The following FGF13 variants were observed in gnomAD, a reference collection of about 807,000 sequenced individuals.
FGF13 encodes the protein fibroblast growth factor 13, also known as fibroblast growth factor homologous factor 2.
In FGF13, 2 loss-of-function variants were observed where a neutral mutation model predicts 19.5. The ratio of observed to expected loss-of-function variants is 0.10; its 90% CI spans 0.04 to 0.32. The LOEUF (loss-of-function observed/expected upper bound fraction) is 0.32, where lower values mean the gene tolerates loss of function less well. Ranked by LOEUF, FGF13 falls within the 10% of genes least tolerant of loss-of-function variation. The probability of loss-of-function intolerance (pLI) is 1.00; values close to 1 mark genes in which losing one functional copy is unlikely to be tolerated. For missense variants in FGF13, 113 were observed against 192.7 expected (o/e 0.59, Z 2.45); for synonymous variants, 72 against 76.9 (o/e 0.94, Z 0.33).
chrX:139,111,149 G>A (rs1170092790), intron 1 of FGF13, among the ~76,000 whole-genome samples: 1 of 112,178 alleles, frequency 8.9e-6, no homozygotes, highest in Non-Finnish European at 1.9e-5. Context: ...AGTGGAGGGA[G>A]AGTAAATGCA....
At chrX:139,035,189 T>C (rs939640940) in intron 1 of FGF13, among the ~76,000 whole-genome samples, 9 of 111,345 alleles carry the variant, frequency 8.1e-5, no homozygotes, top group Non-Finnish European at 1.5e-4. Context: ...AATCAGAACA[T>C]GTCACTATGA....
At chrX:139,031,164 A>G (rs141650941) in intron 1 of FGF13, among the ~76,000 whole-genome samples, 3,395 of 111,710 alleles carry the variant, frequency 0.03, 139 homozygotes, top group African/African-American at 0.1. Context: ...AAATCCCTTC[A>G]AAGCAGCTGA....
intron 1 of FGF13, among the ~76,000 whole-genome samples, chrX:139,116,159 T>C (rs1244928943): frequency 2.7e-5 from 3 of 112,412 alleles, no homozygotes; most frequent in Non-Finnish European, 5.6e-5. Flanking sequence ...TTGATTTCAA[T>C]AGAAAACTAA....
chrX:139,083,202 C>T (rs966694839), intron 1 of FGF13, among the ~76,000 whole-genome samples: 11 of 111,139 alleles, frequency 9.9e-5, no homozygotes, highest in African/African-American at 3.6e-4. Context: ...CCTCCTATTT[C>T]ATTTTATTTT....
chrX:139,065,353 C>T (rs1194078785), intron 1 of FGF13, among the ~76,000 whole-genome samples: 2 of 109,600 alleles, frequency 1.8e-5, no homozygotes, highest in Non-Finnish European at 3.8e-5. Flanking sequence ...AAAAGACACA[C>T]ACTGGAAAAT....
At chrX:138,752,770 C>T (rs1301668765) in intron 3 of FGF13, among the ~76,000 whole-genome samples, 1 of 111,874 alleles carries the variant, frequency 8.9e-6, no homozygotes, top group East Asian at 2.8e-4. Context: ...GTACACAAAT[C>T]CTTCACATTG....
chrX:138,672,878 A>G (rs1320026392), intron 3 of FGF13, among the ~76,000 whole-genome samples: 1 of 111,774 alleles, frequency 8.9e-6, no homozygotes, highest in Non-Finnish European at 1.9e-5. Flanking sequence ...GAGGTAGAAG[A>G]AAAGCTAAGC....
chrX:138,956,329 G>A (rs1446881273), intron 1 of FGF13, among the ~76,000 whole-genome samples: 2 of 112,044 alleles, frequency 1.8e-5, no homozygotes, highest in South Asian at 3.7e-4. Context: ...GGAAGGCCTT[G>A]ACGGAGTGAC....
At chrX:139,014,186 C>T (rs1603126786) in intron 1 of FGF13, among the ~76,000 whole-genome samples, 1 of 111,253 alleles carries the variant, frequency 9.0e-6, no homozygotes, top group East Asian at 2.9e-4. Context: ...CCTAATGATG[C>T]ATCTTAAAGA....
intron 1 of FGF13, among the ~76,000 whole-genome samples, chrX:138,993,299 A>G (rs2092026681): frequency 9.0e-6 from 1 of 111,602 alleles, no homozygotes; most frequent in African/African-American, 3.3e-5. Flanking sequence ...TATTGTATCA[A>G]TGAGTGTCTC....
intron 3 of FGF13, among the ~76,000 whole-genome samples, chrX:138,811,977 G>C (rs749526657): frequency 9.5e-6 from 1 of 104,864 alleles, no homozygotes; most frequent in African/African-American, 3.5e-5. Flanking sequence ...GGTTTTTAAT[G>C]TGTTGACAAG....
intron 1 of FGF13, among the ~76,000 whole-genome samples, chrX:139,083,638 G>A (rs921835597): frequency 1.8e-5 from 2 of 111,121 alleles, no homozygotes; most frequent in African/African-American, 6.5e-5. Flanking sequence ...TTGGGAGGCC[G>A]AGGCAGGCAG....
intron 3 of FGF13, among the ~76,000 whole-genome samples, chrX:138,785,061 G>A (rs1326517632): frequency 1.8e-5 from 2 of 112,035 alleles, no homozygotes; most frequent in East Asian, 5.6e-4. Context: ...TGATGTTACA[G>A]TGTTTTTTCT....
chrX:138,835,636 G>A (rs2091107390), intron 3 of FGF13, among the ~76,000 whole-genome samples: 1 of 111,770 alleles, frequency 8.9e-6, no homozygotes. Context: ...TTTAATTGGG[G>A]CATTTAGCCC....
chrX:138,993,311 T>C (rs763682306), intron 1 of FGF13, among the ~76,000 whole-genome samples: 1 of 111,639 alleles, frequency 9.0e-6, no homozygotes, highest in South Asian at 3.8e-4. Context: ...GAGTGTCTCC[T>C]AGTTTCAATA....
At chrX:138,917,019 T>G (rs1390212159) in intron 1 of FGF13, among the ~76,000 whole-genome samples, 2 of 111,848 alleles carry the variant, frequency 1.8e-5, no homozygotes, top group Non-Finnish European at 3.8e-5. Flanking sequence ...AAGTTTTGTT[T>G]TAAAGCTGAC....
intron 3 of FGF13, among the ~76,000 whole-genome samples, chrX:138,843,519 T>G (rs1165906264): frequency 8.9e-6 from 1 of 112,267 alleles, no homozygotes; most frequent in Non-Finnish European, 1.9e-5. Flanking sequence ...TTTCTACATT[T>G]TTTTTATTTC....
rs139285676 is a variant in FGF13 at position 138,766,018 on chromosome X, A to G, written c.218-57090T>C. ...CTTTCAGACCTCACCTCAGCTTAAA[A>G]GTCATTTCTCTAAGAAAATCTTCTC... On this transcript the variant is annotated intron_variant, in intron 3 of 6. Transcript: ENST00000436198. 2.6e-3 allele frequency among the ~76,000 whole-genome samples: 292 copies of G among 111,735 alleles called. 3 individuals carry two copies. Among genetic ancestry groups the G allele is most frequent in the African/African-American group, 9.2e-3 (284 of 30,766 alleles).
At chrX:139,113,131 A>G (rs1422213158) in intron 1 of FGF13, among the ~76,000 whole-genome samples, 1 of 110,467 alleles carries the variant, frequency 9.1e-6, no homozygotes, top group Non-Finnish European at 1.9e-5. Context: ...ACCAATGCCA[A>G]CTGGAGGCTG....
Sources: gnomAD v4.1 joint callset for allele counts (sites outside exome capture counted in the v4.1 genomes callset) on GRCh38, gnomAD v4.1.1 for gene constraint, MANE v1.5 for transcripts, NCBI Gene and HGNC (gene_info 2026-07-23, HGNC 2026-07-21) for gene names.